The following PLCXD1 variants were observed in gnomAD, a reference collection of about 807,000 sequenced individuals.
PLCXD1 encodes phosphatidylinositol specific phospholipase C X domain containing 1, also known as PI-PLC X domain-containing protein 1.
Under a neutral mutation model 37.8 loss-of-function variants are expected in PLCXD1, and 45 were observed. The observed-to-expected ratio is 1.19, with a 90% CI of 0.94 to 1.53. PLCXD1 has a LOEUF of 1.53. PLCXD1 is among the 40% of genes most tolerant of loss of function. The pLI is 0.00. For synonymous variants in PLCXD1, 246 were observed against 206.9 expected, an observed-to-expected ratio of 1.19 and a Z score of -1.62; for missense variants, 539 against 454.7, an observed-to-expected ratio of 1.19 and a Z score of -1.69.
rs143703965 is a variant in PLCXD1 at position 285,770 on chromosome X, C to T, written c.127+1456C>T. Among the ~76,000 whole-genome samples the T allele has an allele frequency of 3.2e-3, 481 of 152,250 alleles. 1 individual carries two copies. Among genetic ancestry groups the T allele is most frequent in the African/African-American group, 0.01 (423 of 41,532 alleles). On this transcript the variant is annotated intron_variant, in intron 2 of 6. Coordinates refer to ENST00000381657, the MANE Select transcript of PLCXD1 (RefSeq NM_018390.4). ...ACACACATACACATGCACACAGATA[C>T]GTATTGTCAACCTAAGGAAATAAAC...
chrX:286,168 G>A (rs781130143), intron 2 of PLCXD1, among the ~76,000 whole-genome samples: 1 of 151,934 alleles, frequency 6.6e-6, no homozygotes, highest in South Asian at 2.1e-4. Flanking sequence ...GGGTTCAAGC[G>A]ATTCTCCTGC....
At chrX:296,458 G>C (rs910221249) in intron 6 of PLCXD1, among the ~76,000 whole-genome samples, 1 of 152,142 alleles carries the variant, frequency 6.6e-6, no homozygotes, top group Admixed American at 6.6e-5. Flanking sequence ...AGAGAACTTG[G>C]CCATAAACGT....
intron 2 of PLCXD1, among the ~76,000 whole-genome samples, chrX:285,341 CACACGTGT>C (rs377197020): frequency 0.085 from 12,916 of 152,040 alleles, 723 homozygotes; most frequent in African/African-American, 0.16. Flanking sequence ...CATGCACATG[CACACGTGT>C]ACACATGTAC....
intron 3 of PLCXD1, among the ~76,000 whole-genome samples, chrX:290,425 G>A (rs941740423): frequency 4.3e-4 from 41 of 95,540 alleles, no homozygotes; most frequent in African/African-American, 1.5e-3. Flanking sequence ...GCGAGACTCC[G>A]TCTCAAAAAA....
intron 6 of PLCXD1, among the ~76,000 whole-genome samples, chrX:294,015 C>T (rs1427116650): frequency 1.3e-5 from 2 of 152,146 alleles, no homozygotes; most frequent in East Asian, 1.9e-4. Flanking sequence ...GAGAAGGGGT[C>T]TCACTGTGTT....
At chrX:286,638 G>A (rs28510852) in intron 2 of PLCXD1, among the ~76,000 whole-genome samples, 18,816 of 152,090 alleles carry the variant, frequency 0.12, 1,433 homozygotes, top group South Asian at 0.19. Flanking sequence ...TGTGGGGAAC[G>A]TGACTGGGGG....
intron 2 of PLCXD1, among the ~76,000 whole-genome samples, chrX:285,975 T>C (rs960056311): frequency 4.6e-5 from 7 of 152,074 alleles, no homozygotes; most frequent in African/African-American, 7.2e-5. Context: ...CAGGAATTCA[T>C]GTGGGTTACT....
chrX:297,518 C>A (rs780892564), intron 6 of PLCXD1, among the ~76,000 whole-genome samples: 13 of 48,046 alleles, frequency 2.7e-4, no homozygotes, highest in Admixed American at 3.8e-4. Flanking sequence ...TATTCTGTCT[C>A]CCACATGGGG....
At chrX:289,377 G>A (rs761034376) in intron 3 of PLCXD1, among the ~76,000 whole-genome samples, 7 of 151,968 alleles carry the variant, frequency 4.6e-5, no homozygotes, top group East Asian at 3.9e-4. Context: ...GTGAGCCACC[G>A]CGCCCGGCCC....
In PLCXD1 at chrX:288,782, G is replaced by A. The variant is rs1215389556; in HGVS notation, c.177G>A (p.Ser59=). 6 of 1,613,642 alleles carry A rather than the reference G, an allele frequency of 3.7e-6. No individual in the cohort carries two copies. Among genetic ancestry groups the A allele is most frequent in the African/African-American group, 1.3e-5 (1 of 74,922 alleles). The change falls in exon 3 of 7, where the codon TCG becomes TCA. Residue 59 remains serine (S), a synonymous_variant. Coordinates refer to ENST00000381657, the MANE Select transcript of PLCXD1 (RefSeq NM_018390.4). ...TYCLNKKSPI[S]HEESRLLQLL... ...GCCTGAACAAGAAGTCCCCCATTTCGCACGAGGAGTCCCGGCTGCTGCAGC... is the reference window on the plus strand; with the variant it reads ...GCCTGAACAAGAAGTCCCCCATTTCACACGAGGAGTCCCGGCTGCTGCAGC...
chrX:295,926 C>T (rs1435429451), intron 6 of PLCXD1, among the ~76,000 whole-genome samples: 7 of 151,942 alleles, frequency 4.6e-5, no homozygotes, highest in Non-Finnish European at 8.8e-5. Context: ...CTGCAGCCTT[C>T]GCCTCCTGGG....
At chrX:276,772 G>A (rs141650691), upstream of PLCXD1, among the ~76,000 whole-genome samples, 1,736 of 152,260 alleles carry the variant, frequency 0.011, 29 homozygotes, top group African/African-American at 0.039. Context: ...GGACGGGTCG[G>A]GACAGCTGGG....
At chrX:291,995 G>T (rs1394116352) in intron 5 of PLCXD1, among the ~76,000 whole-genome samples, 2 of 151,632 alleles carry the variant, frequency 1.3e-5, no homozygotes, top group Non-Finnish European at 2.9e-5. Flanking sequence ...GTGAAACCTG[G>T]TGTCTACTAA....
rs148285596 is a variant in PLCXD1 at position 299,166 on chromosome X, C to A, written c.803C>A (p.Ser268Tyr). ...TACGTTCTGGCGCACCCGTCCGAGT[C>A]CCTGGAGAAGATGACGCTGCCCAAC... Reference protein sequence around the residue: ...LQYVLAHPSESLEKMTLPNLP... With the variant: ...LQYVLAHPSEYLEKMTLPNLP... The change falls in exon 7 of 7, where the codon TCC becomes TAC. Residue 268 changes from serine (S) to tyrosine (Y), a missense_variant. By Grantham distance (144) the Ser-to-Tyr change is moderately radical (BLOSUM62 -2). Transcript: ENST00000381657. The A allele has an allele frequency of 7.4e-6, 12 of 1,613,822 alleles. No homozygotes were observed. The African/African-American group carries it at 1.5e-4, about 20-fold the overall frequency.
intron 5 of PLCXD1, 22 bp downstream of exon 5, chrX:291,676 G>C: frequency 6.2e-7 from 1 of 1,610,506 alleles, no homozygotes; most frequent in Non-Finnish European, 8.5e-7. Context: ...AAGGATATCC[G>C]CACGTCTCTC....
At chrX:284,519 T>TGGACATGCAC (rs2069381865) in intron 2 of PLCXD1, among the ~76,000 whole-genome samples, 1 of 152,170 alleles carries the variant, frequency 6.6e-6, no homozygotes, top group African/African-American at 2.4e-5. Flanking sequence ...TACATAGTCA[T>TGGACATGCAC]GGACATGCAC....
intron 2 of PLCXD1, among the ~76,000 whole-genome samples, chrX:286,146 C>T (rs1460715244): frequency 6.6e-6 from 1 of 151,846 alleles, no homozygotes; most frequent in African/African-American, 2.4e-5. Context: ...CTCATCGCAA[C>T]CTCTGCCTCC....
At position 293,150 on chromosome X, in the gene PLCXD1, G is replaced by T; in HGVS notation, c.665G>T (p.Trp222Leu). ...HELWPGVPYWWGNRVKTEALI... is the reference protein window; with the variant it reads ...HELWPGVPYWLGNRVKTEALI... The stretch of plus-strand genomic sequence containing the variant: ...CTGTGGCCAGGAGTCCCCTACTGGT[G>T]GGGAAACAGGGTGAAGACCGAGGCC... Residue 222 changes from tryptophan (W) to leucine (L), a missense_variant, in exon 6 of 7, where the codon TGG becomes TTG. Physicochemically the swap from Trp to Leu is moderately conservative, Grantham distance 61 (BLOSUM62 -2). Transcript: ENST00000381657. 1 of 1,612,696 alleles carries T rather than the reference G, an allele frequency of 6.2e-7. No homozygotes were observed.
intron 4 of PLCXD1, among the ~76,000 whole-genome samples, chrX:291,057 A>G (rs142956726): frequency 0.057 from 8,468 of 149,314 alleles, 829 homozygotes; most frequent in African/African-American, 0.2. Context: ...TGGACAGGAA[A>G]CGCCCGGTCT....
Sources: gnomAD v4.1 joint callset for allele counts (sites outside exome capture counted in the v4.1 genomes callset) on GRCh38, gnomAD v4.1.1 for gene constraint, MANE v1.5 for transcripts, NCBI Gene and HGNC (gene_info 2026-07-23, HGNC 2026-07-21) for gene names.